The following LINGO1 variants were observed in gnomAD, a reference collection of about 807,000 sequenced individuals.
LINGO1 encodes leucine rich repeat and Ig domain containing 1, also known as leucine-rich repeat and immunoglobulin-like domain-containing nogo receptor-interacting protein 1.
In LINGO1, 11 loss-of-function variants were observed where a neutral mutation model predicts 37.3. The observed-to-expected ratio is 0.29, with a 90% CI of 0.19 to 0.49. The LOEUF (loss-of-function observed/expected upper bound fraction) is 0.49. Among genes scored for constraint, LINGO1 ranks in the 20% least tolerant of loss-of-function variants. LINGO1 has a pLI of 0.99. For missense variants in LINGO1, 585 were observed against 878.2 expected, an observed-to-expected ratio of 0.67 and a Z score of 4.22; for synonymous variants, 387 against 403.0, an observed-to-expected ratio of 0.96 and a Z score of 0.48.
At chr15:77,748,909 C>CTCTT (rs1248978105) in intron 1 of LINGO1, among the ~76,000 whole-genome samples, 14 of 87,760 alleles carry the variant, frequency 1.6e-4, no homozygotes, top group African/African-American at 6.0e-4. Flanking sequence ...CCTTCCTTCT[C>CTCTT]TTTTTTTTTT....
intron 1 of LINGO1, among the ~76,000 whole-genome samples, chr15:77,623,982 GTGTGTGA>G (rs1424271264): frequency 6.6e-6 from 1 of 150,874 alleles, no homozygotes; most frequent in Non-Finnish European, 1.5e-5. Context: ...GCCTGTGTGT[GTGTGTGA>G]TGTGTGTGAG....
intron 2 of LINGO1, among the ~76,000 whole-genome samples, chr15:77,721,848 G>A (rs1026776215): frequency 2.0e-5 from 3 of 152,090 alleles, no homozygotes; most frequent in Non-Finnish European, 2.9e-5. Flanking sequence ...TGGGCAGCCT[G>A]GAGCAGGTAA....
At position 77,757,912 on chromosome 15, in the gene LINGO1, G is replaced by A. The variant is rs553930163; in HGVS notation, c.-256-22859C>T. Among the ~76,000 whole-genome samples the A allele has an allele frequency of 3.2e-4, 49 of 152,318 alleles. No individual in the cohort carries two copies. The East Asian group carries it at 7.9e-3, about 25-fold the overall frequency. ...ACCTGCTCGTTAATCACCGTGGGCCGCCTTTCCCTGCCTCGGCTGTGTCAG... is the reference window on the plus strand; with the variant it reads ...ACCTGCTCGTTAATCACCGTGGGCCACCTTTCCCTGCCTCGGCTGTGTCAG... On this transcript the variant is annotated intron_variant, in intron 1 of 3. Coordinates refer to the LINGO1 transcript ENST00000561686.
chr15:77,764,844 A>C (rs754399938), intron 1 of LINGO1, among the ~76,000 whole-genome samples: 1 of 152,208 alleles, frequency 6.6e-6, no homozygotes, highest in Non-Finnish European at 1.5e-5. Context: ...GGGAATGTCC[A>C]CAATGCTCAC....
At chr15:77,699,773 ATTCCCCCCCTCTACCTC>A (rs2075757846), upstream of LINGO1, among the ~76,000 whole-genome samples, 122 of 149,838 alleles carry the variant, frequency 8.1e-4, no homozygotes, top group South Asian at 1.1e-3. Flanking sequence ...ACTAACCATC[ATTCCCCCCCTCTACCTC>A]CCTGGTGGCA....
chr15:77,647,016 G>C (rs1220004845), intron 3 of LINGO1, among the ~76,000 whole-genome samples: 1 of 151,832 alleles, frequency 6.6e-6, no homozygotes, highest in Non-Finnish European at 1.5e-5. Flanking sequence ...ATGGTGAAGT[G>C]AGCAGTGGAA....
At chr15:77,776,625 C>G (rs185790263) in intron 1 of LINGO1, among the ~76,000 whole-genome samples, 8 of 151,928 alleles carry the variant, frequency 5.3e-5, no homozygotes, top group African/African-American at 1.9e-4. Flanking sequence ...TATCAGCCAC[C>G]ATGTCCTCCA....
At chr15:77,761,660 G>A (rs1025378396) in intron 1 of LINGO1, among the ~76,000 whole-genome samples, 1 of 152,214 alleles carries the variant, frequency 6.6e-6, no homozygotes, top group African/African-American at 2.4e-5. Flanking sequence ...GCTCAAAGGA[G>A]AGATTCTGAC....
intron 1 of LINGO1, among the ~76,000 whole-genome samples, chr15:77,784,020 C>T (rs1395496322): frequency 1.3e-5 from 2 of 152,230 alleles, no homozygotes; most frequent in African/African-American, 4.8e-5. Context: ...GGTGCTGCGC[C>T]CACCCCACTC....
chr15:77,713,666 T>C (rs1047048224), intron 2 of LINGO1, among the ~76,000 whole-genome samples: 9 of 151,984 alleles, frequency 5.9e-5, no homozygotes, highest in African/African-American at 1.5e-4. Context: ...ACTGGTGAAA[T>C]AGAATCAGGT....
At chr15:77,799,798 T>C (rs1427336757) in intron 1 of LINGO1, among the ~76,000 whole-genome samples, 1 of 146,056 alleles carries the variant, frequency 6.8e-6, no homozygotes, top group Non-Finnish European at 1.5e-5. Flanking sequence ...GGGTTTTGTT[T>C]TGTTTTCTTT....
At chr15:77,683,902 C>G (rs954498915) in intron 2 of LINGO1, among the ~76,000 whole-genome samples, 6 of 152,094 alleles carry the variant, frequency 3.9e-5, no homozygotes, top group Non-Finnish European at 8.8e-5. Flanking sequence ...TTCAAATTCC[C>G]TGGCGTGGCA....
At chr15:77,722,713 A>T (rs1046947420) in intron 2 of LINGO1, among the ~76,000 whole-genome samples, 4 of 152,216 alleles carry the variant, frequency 2.6e-5, no homozygotes, top group African/African-American at 9.7e-5. Flanking sequence ...TTATGGAAAA[A>T]ATTATACAAC....
At chr15:77,669,665 T>C (rs2075212991) in intron 3 of LINGO1, among the ~76,000 whole-genome samples, 1 of 152,212 alleles carries the variant, frequency 6.6e-6, no homozygotes, top group Admixed American at 6.5e-5. Flanking sequence ...TAGCCCACTG[T>C]GTTCCTCTCC....
intron 2 of LINGO1, among the ~76,000 whole-genome samples, chr15:77,706,334 T>C (rs2075852427): frequency 6.6e-6 from 1 of 152,226 alleles, no homozygotes; most frequent in Non-Finnish European, 1.5e-5. Context: ...TACTCTTCTG[T>C]GTCCCTGTGT....
intron 2 of LINGO1, among the ~76,000 whole-genome samples, chr15:77,732,864 G>T (rs561297585): frequency 1.3e-5 from 2 of 152,240 alleles, no homozygotes; most frequent in Non-Finnish European, 2.9e-5. Flanking sequence ...TTATTTCAAA[G>T]ATTTCAAGAG....
At chr15:77,675,794 T>C (rs2075317921) in intron 3 of LINGO1, among the ~76,000 whole-genome samples, 1 of 152,044 alleles carries the variant, frequency 6.6e-6, no homozygotes, top group Non-Finnish European at 1.5e-5. Context: ...AGGGAGAAAA[T>C]ACCTTCTGTG....
intron 3 of LINGO1, among the ~76,000 whole-genome samples, chr15:77,645,446 T>C (rs1300113258): frequency 6.6e-6 from 1 of 152,228 alleles, no homozygotes; most frequent in Non-Finnish European, 1.5e-5. Flanking sequence ...TTTCTAGGCT[T>C]AAACTTGGCA....
At chr15:77,796,634 G>A (rs991047467) in intron 1 of LINGO1, among the ~76,000 whole-genome samples, 1 of 151,846 alleles carries the variant, frequency 6.6e-6, no homozygotes, top group East Asian at 1.9e-4. Context: ...GGGCAGCACC[G>A]GGGTGCCTCC....
Sources: gnomAD v4.1 joint callset for allele counts (sites outside exome capture counted in the v4.1 genomes callset) on GRCh38, gnomAD v4.1.1 for gene constraint, MANE v1.5 for transcripts, NCBI Gene and HGNC (gene_info 2026-07-23, HGNC 2026-07-21) for gene names.